The following UPB1 variants were observed in gnomAD, a reference collection of about 807,000 sequenced individuals.
UPB1 encodes the protein beta-ureidopropionase 1, also known as beta-ureidopropionase.
UPB1 carries 40 observed loss-of-function variants against 49.1 expected under a neutral mutation model. The ratio of observed to expected loss-of-function variants is 0.81; its 90% CI spans 0.63 to 1.06. The LOEUF (loss-of-function observed/expected upper bound fraction) is 1.06, where lower values mean the gene tolerates loss of function less well. UPB1 is among the 50% of genes least tolerant of loss of function. UPB1 has a pLI of 0.00. For missense variants in UPB1, 499 were observed against 505.9 expected, an observed-to-expected ratio of 0.99 and a Z score of 0.13; for synonymous variants, 207 against 198.2, an observed-to-expected ratio of 1.04 and a Z score of -0.38.
chr22:24,527,634 A>G lies in UPB1; in HGVS notation c.*1840A>G, dbSNP rs920810534. The G allele has an allele frequency of 1.4e-4, 22 of 152,274 alleles. No individual in the cohort carries two copies. The highest frequency in any genetic ancestry group is 5.1e-4 in the African/African-American group (21 of 41,550). 9.4% of individuals were successfully genotyped at this position (152,274 alleles called of 1,614,324 possible). A position where few individuals can be genotyped will look rare whatever the true frequency, so the allele number is the denominator to read the frequency against. ...GGCAGCTTCATCCCTTCACTGGCCC[A>G]GCAGCTGAACTATATGGAAACCTCC... On this transcript the variant is annotated 3_prime_UTR_variant, in exon 10 of 10. Transcript: ENST00000326010.
At position 24,510,819 on chromosome 22, in the gene UPB1, G is replaced by C; in HGVS notation, c.435G>C (p.Gly145=). ...WTEFAESAED[G]PTTRFCQKLA... ...AATTTGCTGAGTCAGCAGAGGATGG[G>C]CCCACCACCAGATTCTGTCAGAAGG... Residue 145 remains glycine (G), a synonymous_variant, in exon 4 of 10, where the codon GGG becomes GGC. Coordinates refer to ENST00000326010, the MANE Select transcript of UPB1 (RefSeq NM_016327.3). The C allele has an allele frequency of 6.2e-7, 1 of 1,614,178 alleles. No homozygotes were observed.
chr22:24,522,930 G>A (rs1390704901), intron 8 of UPB1, among the ~76,000 whole-genome samples: 4 of 144,574 alleles, frequency 2.8e-5, no homozygotes, highest in Admixed American at 2.1e-4. Context: ...GGCAACAGGA[G>A]GGAAATGCCA....
intron 6 of UPB1, among the ~76,000 whole-genome samples, chr22:24,519,503 G>T (rs528787996): frequency 1.3e-5 from 2 of 152,148 alleles, no homozygotes; most frequent in South Asian, 4.1e-4. Flanking sequence ...GGTTGGGGCC[G>T]TGTCTCCCAT....
intron 1 of UPB1, among the ~76,000 whole-genome samples, chr22:24,497,637 A>G (rs138938251): frequency 1.8e-3 from 267 of 152,288 alleles, no homozygotes; most frequent in Middle Eastern, 0.01. Flanking sequence ...GGTGAGGGGT[A>G]GAGGGTCTGA....
intron 8 of UPB1, among the ~76,000 whole-genome samples, chr22:24,522,230 G>A (rs975365062): frequency 1.3e-5 from 2 of 152,254 alleles, no homozygotes; most frequent in Admixed American, 6.5e-5. Context: ...GCAGTCCTGA[G>A]CTTGAGGAGT....
chr22:24,520,277 C>T, intron 6 of UPB1, 110 bp from the exon 7 acceptor site: 1 of 1,248,080 alleles, frequency 8.0e-7, no homozygotes, highest in Non-Finnish European at 1.1e-6. Flanking sequence ...CAGGCTCTGT[C>T]CCCACCACTG....
At chr22:24,507,054 T>G (rs2044104131) in intron 3 of UPB1, among the ~76,000 whole-genome samples, 1 of 152,234 alleles carries the variant, frequency 6.6e-6, no homozygotes, top group Non-Finnish European at 1.5e-5. Context: ...GTTGAAGAAC[T>G]GTAGTTGGGA....
chr22:24,515,411 A>C, intron 6 of UPB1, 41 bp downstream of exon 6: 2 of 1,613,636 alleles, frequency 1.2e-6, no homozygotes, highest in Non-Finnish European at 1.7e-6. Flanking sequence ...CCTGGGGCCC[A>C]GCCAGCTAAA....
intron 7 of UPB1, among the ~76,000 whole-genome samples, chr22:24,521,179 C>CAAAAAAA (rs34276962): frequency 1.4e-4 from 9 of 62,660 alleles, no homozygotes; most frequent in Non-Finnish European, 2.1e-4. Context: ...GAGACTCTGT[C>CAAAAAAA]AAAAAAAAAA....
chr22:24,500,312 A>G, intron 2 of UPB1, 34 bp downstream of exon 2: 1 of 1,612,148 alleles, frequency 6.2e-7, no homozygotes, highest in Non-Finnish European at 8.5e-7. Context: ...AAATACACAA[A>G]CAGGGTTGTG....
intron 6 of UPB1, chr22:24,519,998 A>T (rs1340900042): frequency 3.4e-6 from 1 of 298,216 alleles, no homozygotes; most frequent in South Asian, 3.1e-5. Flanking sequence ...TTGGATCTTC[A>T]CCTGCATGGT....
At chr22:24,502,590 C>A in intron 3 of UPB1, 1 of 757,278 alleles carries the variant, frequency 1.3e-6, no homozygotes, top group Non-Finnish European at 2.5e-6. Context: ...ATCTAAACAT[C>A]CTGGTAGTAT....
intron 3 of UPB1, among the ~76,000 whole-genome samples, chr22:24,507,106 TTTTG>T (rs1474165273): frequency 6.6e-6 from 1 of 152,220 alleles, no homozygotes; most frequent in Non-Finnish European, 1.5e-5. Context: ...CACATCCTTC[TTTTG>T]AAAGTGTGTT....
chr22:24,500,087 C>CT lies in UPB1; in HGVS notation c.105-14dup, dbSNP rs2043962771. On this transcript the variant is annotated intron_variant, in intron 1 of 9. Transcript: ENST00000326010. Reference sequence around the variant, plus strand: ...AGACTGCATCAAAATCCCCTTCCCTCTTTTTTCCTGCCCATCTAGGAAGCT... The same window carrying CT: ...AGACTGCATCAAAATCCCCTTCCCTCTTTTTTTCCTGCCCATCTAGGAAGCT... The CT allele has an allele frequency of 5.0e-6, 8 of 1,613,880 alleles. No individual in the cohort carries two copies. The highest frequency in any genetic ancestry group is 1.6e-4 in the Middle Eastern group (1 of 6,084).
In UPB1 at chr22:24,495,478, G is replaced by GT; in HGVS notation, c.75_76insT (p.Lys26Ter). On this transcript the variant is annotated frameshift_variant, in exon 1 of 10. Coordinates refer to ENST00000326010, the MANE Select transcript of UPB1 (RefSeq NM_016327.3). LOFTEE classifies it high-confidence loss of function. ...TGCCGCTCCCCGACTTGCAGGAAGT[G>GT]AAGCGCGTTCTCTATGGCAAGGAAC... 6.2e-7 allele frequency: 1 copy of GT among 1,614,106 alleles called. No homozygotes were observed. The highest frequency in any genetic ancestry group is 8.5e-7 in the Non-Finnish European group (1 of 1,180,036).
At chr22:24,519,230 CT>C (rs1487686923) in intron 6 of UPB1, among the ~76,000 whole-genome samples, 3 of 152,112 alleles carry the variant, frequency 2.0e-5, no homozygotes, top group African/African-American at 7.2e-5. Flanking sequence ...TTTTTTCAGA[CT>C]CATGAATCCT....
intron 1 of UPB1, 107 bp downstream of exon 1, chr22:24,495,614 T>G (rs1601468406): frequency 8.3e-7 from 1 of 1,198,298 alleles, no homozygotes; most frequent in South Asian, 1.2e-5. Context: ...GGGGAGGCGG[T>G]GAGAAGTCCT....
intron 3 of UPB1, chr22:24,502,896 C>A: frequency 4.9e-6 from 1 of 205,088 alleles, no homozygotes; most frequent in Non-Finnish European, 1.0e-5. Context: ...AACTTTGATT[C>A]CTTTTCTTTT....
intron 3 of UPB1, chr22:24,503,441 G>C (rs2044030787): frequency 6.6e-6 from 1 of 151,998 alleles, no homozygotes; most frequent in South Asian, 2.1e-4. Context: ...TATTTTAGTG[G>C]AGTGGTGTAG....
Sources: gnomAD v4.1 joint callset for allele counts (sites outside exome capture counted in the v4.1 genomes callset) on GRCh38, gnomAD v4.1.1 for gene constraint, MANE v1.5 for transcripts, NCBI Gene and HGNC (gene_info 2026-07-23, HGNC 2026-07-21) for gene names.